The following RBMS3 variants were observed in gnomAD, a reference collection of about 807,000 sequenced individuals.
RBMS3 encodes the protein RNA binding motif single stranded interacting protein 3, also known as RNA-binding motif, single-stranded-interacting protein 3.
In RBMS3, 27 loss-of-function variants were observed where a neutral mutation model predicts 66.8. The observed-to-expected ratio is 0.40, with a 90% confidence interval of 0.30 to 0.56. RBMS3 has a LOEUF of 0.56. RBMS3 is among the 20% of genes least tolerant of loss of function. The probability of loss-of-function intolerance (pLI) is 0.40; values close to 1 mark genes in which losing one functional copy is unlikely to be tolerated. For synonymous variants in RBMS3, 188 were observed against 183.0 expected (o/e 1.03, Z -0.22); for missense variants, 513 against 549.5 (o/e 0.93, Z 0.66).
At chr3:29,579,035 T>C (rs915386960) in intron 3 of RBMS3, among the ~76,000 whole-genome samples, 1 of 134,674 alleles carries the variant, frequency 7.4e-6, no homozygotes, top group African/African-American at 2.9e-5. Flanking sequence ...TCTCCTGACC[T>C]CATGATCCAC....
At chr3:29,992,832 G>A (rs1208404413) in intron 14 of RBMS3, among the ~76,000 whole-genome samples, 1 of 120,300 alleles carries the variant, frequency 8.3e-6, no homozygotes, top group Non-Finnish European at 2.0e-5. Context: ...TATTGAGGGT[G>A]GTCATATCAA....
At position 30,010,263 on chromosome 3, in the gene RBMS3, G is replaced by A. The variant is rs996507370; in HGVS notation, c.*6401G>A. 1.3e-5 allele frequency: 2 copies of A among 152,114 alleles called. No individual in the cohort carries two copies. The highest frequency in any genetic ancestry group is 2.9e-5 in the Non-Finnish European group (2 of 68,012). 9.4% of individuals were successfully genotyped at this position (152,114 alleles called of 1,614,324 possible). On this transcript the variant is annotated 3_prime_UTR_variant, in exon 15 of 15. Transcript: ENST00000383767. ...GGTTTTATTTTTAATTTCTTCATCT[G>A]TACCACAGTCAAATTAGCAACCATC...
At chr3:29,333,481 TTAACTC>T (rs1370145292) in intron 1 of RBMS3, among the ~76,000 whole-genome samples, 12 of 152,306 alleles carry the variant, frequency 7.9e-5, no homozygotes, top group African/African-American at 2.6e-4. Flanking sequence ...CCATTCTTCT[TTAACTC>T]TAAGACCAGA....
chr3:29,894,756 G>T (rs2060086776), intron 8 of RBMS3, among the ~76,000 whole-genome samples: 1 of 151,294 alleles, frequency 6.6e-6, no homozygotes, highest in African/African-American at 2.4e-5. Context: ...TATATCAAGA[G>T]AAAAGGATAG....
chr3:29,861,085 G>A (rs1478133286), intron 6 of RBMS3, among the ~76,000 whole-genome samples: 3 of 152,090 alleles, frequency 2.0e-5, no homozygotes, highest in Admixed American at 1.3e-4. Flanking sequence ...GGATGTTCTC[G>A]ATCTTCTGAC....
intron 12 of RBMS3, among the ~76,000 whole-genome samples, chr3:29,952,821 G>T (rs963347037): frequency 6.6e-6 from 1 of 151,750 alleles, no homozygotes; most frequent in Non-Finnish European, 1.5e-5. Context: ...GAGTCTAGCA[G>T]TTTGCCCAAG....
intron 3 of RBMS3, among the ~76,000 whole-genome samples, chr3:29,577,250 A>G (rs1425455028): frequency 6.6e-6 from 1 of 152,176 alleles, no homozygotes; most frequent in Admixed American, 6.5e-5. Flanking sequence ...CCAATGCCCT[A>G]TTCTACCACG....
At chr3:29,437,620 C>G (rs2041449252) in intron 2 of RBMS3, among the ~76,000 whole-genome samples, 1 of 152,056 alleles carries the variant, frequency 6.6e-6, no homozygotes, top group Non-Finnish European at 1.5e-5. Context: ...ATTATTTTTC[C>G]TAGAGAATCT....
chr3:29,700,984 G>C (rs2052544952), intron 4 of RBMS3, among the ~76,000 whole-genome samples: 1 of 152,154 alleles, frequency 6.6e-6, no homozygotes, highest in South Asian at 2.1e-4. Flanking sequence ...TGTTAGGCTA[G>C]CTAAACCATT....
At chr3:29,336,277 A>G (rs1423702083) in intron 1 of RBMS3, among the ~76,000 whole-genome samples, 4 of 152,088 alleles carry the variant, frequency 2.6e-5, no homozygotes, top group Non-Finnish European at 4.4e-5. Flanking sequence ...TGTACAACAT[A>G]TTTTGCTCAA....
chr3:29,549,060 T>G (rs896054809), intron 3 of RBMS3, among the ~76,000 whole-genome samples: 1 of 69,028 alleles, frequency 1.4e-5, no homozygotes, highest in Non-Finnish European at 2.5e-5. Flanking sequence ...CCTACTTCTG[T>G]TTTTTTTTTT....
At chr3:29,314,452 G>T (rs1310478637) in intron 1 of RBMS3, among the ~76,000 whole-genome samples, 1 of 151,688 alleles carries the variant, frequency 6.6e-6, no homozygotes, top group East Asian at 2.0e-4. Flanking sequence ...AAGGCAGCAG[G>T]CATGTAGAGT....
chr3:29,554,885 T>C (rs888219253), intron 3 of RBMS3, among the ~76,000 whole-genome samples: 9 of 152,134 alleles, frequency 5.9e-5, no homozygotes, highest in Non-Finnish European at 1.2e-4. Context: ...AGCAAAAATA[T>C]AATTTTTTGA....
chr3:29,461,332 C>T lies in RBMS3; in HGVS notation c.248+26417C>T, dbSNP rs148749456. On this transcript the variant is annotated intron_variant, in intron 2 of 14. Transcript: ENST00000383767. ...TATGCTTCTTTCCTCACTGTTTTCTCTTCTCCATTCCTGAAATTCAGAACC... is the reference window on the plus strand; with the variant it reads ...TATGCTTCTTTCCTCACTGTTTTCTTTTCTCCATTCCTGAAATTCAGAACC... Among the ~76,000 whole-genome samples the T allele has an allele frequency of 3.7e-3, 560 of 152,316 alleles. 3 individuals carry two copies. The highest frequency in any genetic ancestry group is 0.013 in the African/African-American group (537 of 41,566).
At chr3:29,411,924 A>G (rs2040281792) in intron 1 of RBMS3, among the ~76,000 whole-genome samples, 1 of 152,228 alleles carries the variant, frequency 6.6e-6, no homozygotes, top group Non-Finnish European at 1.5e-5. Context: ...ATGTGAATAA[A>G]ATAAGTTATT....
At position 29,553,720 on chromosome 3, in the gene RBMS3, T is replaced by C. The variant is rs1056271048; in HGVS notation, c.308-33394T>C. ...ATTATTTGCATTCATTATGAATGTCTCGATTTGTTTTGTAATAGATCTCCC... is the reference window on the plus strand; with the variant it reads ...ATTATTTGCATTCATTATGAATGTCCCGATTTGTTTTGTAATAGATCTCCC... On this transcript the variant is annotated intron_variant, in intron 3 of 14. Coordinates refer to ENST00000383767, the MANE Select transcript of RBMS3 (RefSeq NM_001003793.3). Among the ~76,000 whole-genome samples the C allele has an allele frequency of 3.3e-5, 5 of 152,014 alleles. No individual in the cohort carries two copies. In the Middle Eastern group the frequency reaches 0.01, roughly 310 times the overall value.
At chr3:29,727,737 G>A (rs2053945749) in intron 4 of RBMS3, among the ~76,000 whole-genome samples, 1 of 152,208 alleles carries the variant, frequency 6.6e-6, no homozygotes, top group Non-Finnish European at 1.5e-5. Flanking sequence ...GGAAAAATAG[G>A]AATGCTTTTA....
At chr3:29,437,625 G>A (rs888080672) in intron 2 of RBMS3, among the ~76,000 whole-genome samples, 2 of 152,152 alleles carry the variant, frequency 1.3e-5, no homozygotes, top group Non-Finnish European at 2.9e-5. Flanking sequence ...TTTTCCTAGA[G>A]AATCTTAAAG....
intron 3 of RBMS3, among the ~76,000 whole-genome samples, chr3:29,562,971 G>C (rs1195516504): frequency 6.6e-6 from 1 of 152,148 alleles, no homozygotes; most frequent in Admixed American, 6.6e-5. Flanking sequence ...GACATGTCTG[G>C]AAGAAAAGCA....
Sources: gnomAD v4.1 joint callset for allele counts (sites outside exome capture counted in the v4.1 genomes callset) on GRCh38, gnomAD v4.1.1 for gene constraint, MANE v1.5 for transcripts, NCBI Gene and HGNC (gene_info 2026-07-23, HGNC 2026-07-21) for gene names.